EYA4: variants seen among roughly 807,000 people sequenced by gnomAD.
EYA4 encodes protein phosphatase EYA4.
EYA4 carries 31 observed loss-of-function variants against 87.9 expected under a neutral mutation model. The observed-to-expected ratio is 0.35, with a 90% CI of 0.27 to 0.48. The LOEUF (loss-of-function observed/expected upper bound fraction) is 0.48. EYA4 is among the 20% of genes least tolerant of loss of function. The probability of loss-of-function intolerance (pLI) is 0.99; values close to 1 mark genes in which losing one functional copy is unlikely to be tolerated. For missense variants in EYA4, 678 were observed against 761.4 expected, an observed-to-expected ratio of 0.89 and a Z score of 1.29; for synonymous variants, 263 against 270.6, an observed-to-expected ratio of 0.97 and a Z score of 0.28.
At chr6:133,248,448 A>T (rs566636753) in intron 1 of EYA4, 1 of 152,344 alleles carries the variant, frequency 6.6e-6, no homozygotes, top group Non-Finnish European at 1.5e-5. Context: ...ATTATGCACA[A>T]GGTCATATAT....
At chr6:133,244,771 A>G (rs1774270557) in intron 1 of EYA4, among the ~76,000 whole-genome samples, 1 of 152,130 alleles carries the variant, frequency 6.6e-6, no homozygotes, top group African/African-American at 2.4e-5. Context: ...TGCAAGCTCT[A>G]AATGACTGAT....
chr6:133,347,940 C>T lies in EYA4; in HGVS notation c.34-34452C>T, dbSNP rs1259432838. Among the ~76,000 whole-genome samples the T allele has an allele frequency of 3.3e-5, 5 of 152,038 alleles. No individual in the cohort carries two copies. The South Asian group carries it at 6.2e-4, about 19-fold the overall frequency. On this transcript the variant is annotated intron_variant, in intron 2 of 19. Transcript: ENST00000355286. Reference sequence around the variant, plus strand: ...GGCTCACATTAGAGAATTATTTTTCCGTATGATATGGTGGTGTTTAAATGT... The same window carrying T: ...GGCTCACATTAGAGAATTATTTTTCTGTATGATATGGTGGTGTTTAAATGT...
intron 2 of EYA4, among the ~76,000 whole-genome samples, chr6:133,323,073 CG>C (rs1377619798): frequency 6.7e-6 from 1 of 149,180 alleles, no homozygotes; most frequent in Admixed American, 6.7e-5. Flanking sequence ...GTATAAAATC[CG>C]TGTGTGTGTG....
At chr6:133,337,633 A>G (rs1341836534) in intron 2 of EYA4, among the ~76,000 whole-genome samples, 1 of 152,214 alleles carries the variant, frequency 6.6e-6, no homozygotes, top group African/African-American at 2.4e-5. Flanking sequence ...ACTGTAGTAC[A>G]TTAATTTTGC....
Position 133,315,158 on chromosome 6 carries a change from C to T in EYA4, c.33+40345C>T, listed in dbSNP as rs1293035651. Among the ~76,000 whole-genome samples the T allele has an allele frequency of 3.3e-5, 5 of 152,130 alleles. No individual in the cohort carries two copies. In the East Asian group the frequency reaches 9.6e-4, roughly 29 times the overall value. On this transcript the variant is annotated intron_variant, in intron 2 of 19. Coordinates refer to ENST00000355286, the MANE Select transcript of EYA4 (RefSeq NM_004100.5). ...CAATAAAGATCTGTGATTACTGAAG[C>T]GGCTCAGAATTTCATTTTTGAGGCC... is the stretch of plus-strand genomic sequence containing the variant.
rs3777857 is a variant in EYA4 at position 133,432,645 on chromosome 6, G to A, written c.84-13985G>A. On this transcript the variant is annotated intron_variant, in intron 3 of 19. Transcript: ENST00000355286. ...GTGGAACTTTAATGGCTCCTATTCA[G>A]GGACAGACAAATATACTCTGATTTG... 1.5e-3 allele frequency among the ~76,000 whole-genome samples: 227 copies of A among 152,150 alleles called. 7 individuals carry two copies. In the East Asian group the frequency reaches 0.037, roughly 25 times the overall value.
chr6:133,432,699 T>TC (rs1791295444), intron 3 of EYA4, among the ~76,000 whole-genome samples: 1 of 152,184 alleles, frequency 6.6e-6, no homozygotes, highest in African/African-American at 2.4e-5. Flanking sequence ...TCTTTTTTTT[T>TC]CAAGGTTTTA....
rs1217834875 is a variant in EYA4 at position 133,468,615 on chromosome 6, A to T, written c.854A>T (p.Tyr285Phe). The T allele has an allele frequency of 6.2e-7, 1 of 1,612,910 alleles. No individual in the cohort carries two copies. The highest frequency in any genetic ancestry group is 1.1e-5 in the South Asian group (1 of 91,070). ...GGCCAAAACCAGTATGCACAGTATT[A>T]TTCAGCATCAACGTATGGAGCGTAT... ...AFGQNQYAQY[Y>F]SASTYGAYMT... Residue 285 changes from tyrosine to phenylalanine, a missense_variant, in exon 11 of 20, where the codon TAT becomes TTT. Tyr to Phe is a conservative substitution (Grantham distance 22, BLOSUM62 3). Transcript: ENST00000355286.
At chr6:133,311,656 A>G (rs1422344528) in intron 2 of EYA4, among the ~76,000 whole-genome samples, 1 of 152,114 alleles carries the variant, frequency 6.6e-6, no homozygotes, top group Non-Finnish European at 1.5e-5. Flanking sequence ...TCACCTCCAA[A>G]GCCCTTCAGT....
At chr6:133,364,788 T>G (rs1784733015) in intron 2 of EYA4, among the ~76,000 whole-genome samples, 1 of 152,186 alleles carries the variant, frequency 6.6e-6, no homozygotes, top group Admixed American at 6.5e-5. Flanking sequence ...AGGCACTTTG[T>G]ATTGTTGAAT....
chr6:133,355,407 A>G (rs1217232357), intron 2 of EYA4, among the ~76,000 whole-genome samples: 1 of 152,238 alleles, frequency 6.6e-6, no homozygotes, highest in Non-Finnish European at 1.5e-5. Flanking sequence ...ACTATTCACA[A>G]TAGCAAAGAC....
intron 10 of EYA4, among the ~76,000 whole-genome samples, chr6:133,467,183 T>G (rs1794926628): frequency 6.6e-6 from 1 of 152,132 alleles, no homozygotes; most frequent in Non-Finnish European, 1.5e-5. Context: ...ACCTTTCCAG[T>G]ATGTAACCTC....
chr6:133,508,646 G>T (rs1798860059), intron 14 of EYA4, among the ~76,000 whole-genome samples: 1 of 152,100 alleles, frequency 6.6e-6, no homozygotes, highest in South Asian at 2.1e-4. Context: ...GAATAAATTT[G>T]CTACCCAACT....
intron 1 of EYA4, among the ~76,000 whole-genome samples, chr6:133,263,529 C>G (rs1337491692): frequency 1.3e-5 from 2 of 152,156 alleles, no homozygotes; most frequent in Non-Finnish European, 2.9e-5. Flanking sequence ...GATATTTTCC[C>G]AGACTCATAT....
chr6:133,369,386 T>C (rs1785097226), intron 2 of EYA4, among the ~76,000 whole-genome samples: 1 of 152,128 alleles, frequency 6.6e-6, no homozygotes, highest in Admixed American at 6.5e-5. Context: ...CATAAAAGAC[T>C]TTATTTTATA....
At chr6:133,390,966 TACAAACAA>T (rs567657469) in intron 3 of EYA4, among the ~76,000 whole-genome samples, 15 of 152,020 alleles carry the variant, frequency 9.9e-5, no homozygotes, top group Non-Finnish European at 1.9e-4. Context: ...CACAGTGAGG[TACAAACAA>T]ACAAACAAAC....
intron 2 of EYA4, among the ~76,000 whole-genome samples, chr6:133,329,483 G>A (rs1318581203): frequency 2.6e-5 from 4 of 151,960 alleles, no homozygotes; most frequent in Non-Finnish European, 5.9e-5. Context: ...TTGCAGTTTT[G>A]GTAAACCTTT....
intron 17 of EYA4, among the ~76,000 whole-genome samples, chr6:133,515,677 G>C (rs1340581207): frequency 6.6e-6 from 1 of 151,062 alleles, no homozygotes; most frequent in Non-Finnish European, 1.5e-5. Flanking sequence ...GAAGGTTGCT[G>C]CTTCTCAGAA....
chr6:133,246,923 A>G (rs1217761936), intron 1 of EYA4: 2 of 152,190 alleles, frequency 1.3e-5, no homozygotes, highest in Non-Finnish European at 2.9e-5. Context: ...ACTCCCCAGT[A>G]TGAGGCCAGC....
Sources: gnomAD v4.1 joint callset for allele counts (sites outside exome capture counted in the v4.1 genomes callset) on GRCh38, gnomAD v4.1.1 for gene constraint, MANE v1.5 for transcripts, NCBI Gene and HGNC (gene_info 2026-07-23, HGNC 2026-07-21) for gene names.